The following UMAD1 variants were observed in gnomAD, a reference collection of about 807,000 sequenced individuals.
UMAD1 encodes UBAP1-MVB12-associated (UMA) domain containing 1.
A neutral mutation model predicts 6.1 loss-of-function variants in UMAD1; 8 were observed. That is an observed-to-expected ratio of 1.30 (90% confidence interval 0.76 to 2.35). The LOEUF (loss-of-function observed/expected upper bound fraction) is 2.35, where lower values mean the gene tolerates loss of function less well. Ranked by LOEUF, UMAD1 falls within the 30% of genes most tolerant of loss-of-function variation. The pLI, the probability that UMAD1 is intolerant of heterozygous loss-of-function variation, is 0.00. For synonymous variants in UMAD1, 56 were observed against 31.4 expected (o/e 1.78, Z -2.61); for missense variants, 130 against 78.4 (o/e 1.66, Z -2.49).
chr7:7,643,721 AAAAACAAACAAACG>A lies in UMAD1; in HGVS notation c.-64+2905_-64+2918del, dbSNP rs1359179039. On this transcript the variant is annotated intron_variant, in intron 1 of 3. Transcript: ENST00000682710. Reference sequence around the variant, plus strand: ...AGCGAGACTCCCTCTCAAAAAAAAAAAAAACAAACAAACGAAAAAAAAAGGATCAACGGTTAAAT... The same window carrying A: ...AGCGAGACTCCCTCTCAAAAAAAAAAAAAAAAAAAGGATCAACGGTTAAAT... Among the ~76,000 whole-genome samples the A allele has an allele frequency of 2.5e-3, 14 of 5,550 alleles. 1 individual carries two copies. Among genetic ancestry groups the A allele is most frequent in the South Asian group, 0.012 (2 of 168 alleles). The allele number at this position is 5,550 out of a possible 152,430, so 3.6% of individuals were successfully genotyped here. A position where few individuals can be genotyped will look rare whatever the true frequency, so the allele number is the denominator to read the frequency against.
chr7:7,753,140 A>G (rs1294435655), intron 2 of UMAD1, among the ~76,000 whole-genome samples: 2 of 152,028 alleles, frequency 1.3e-5, no homozygotes, highest in East Asian at 1.9e-4. Context: ...ATTTATTTTA[A>G]TTTTTGTGGT....
intron 2 of UMAD1, among the ~76,000 whole-genome samples, chr7:7,711,045 AAGTT>A (rs1451591200): frequency 2.0e-5 from 3 of 152,164 alleles, no homozygotes; most frequent in Non-Finnish European, 2.9e-5. Flanking sequence ...GATGGGGTGA[AAGTT>A]AGAGGCAAGT....
intron 1 of UMAD1, among the ~76,000 whole-genome samples, chr7:7,662,168 C>G (rs1449747490): frequency 6.6e-6 from 1 of 152,132 alleles, no homozygotes; most frequent in Non-Finnish European, 1.5e-5. Flanking sequence ...CCCCACCAAG[C>G]TCGAGTGTCC....
intron 1 of UMAD1, among the ~76,000 whole-genome samples, chr7:7,660,208 T>A (rs1785439536): frequency 6.6e-6 from 1 of 152,224 alleles, no homozygotes; most frequent in Non-Finnish European, 1.5e-5. Flanking sequence ...GCACATGAGA[T>A]GGGTCTCCTG....
At chr7:7,862,780 TTGTCCATAAAGAAATTGC>T (rs954558920) in intron 3 of UMAD1, among the ~76,000 whole-genome samples, 4 of 152,110 alleles carry the variant, frequency 2.6e-5, no homozygotes, top group African/African-American at 9.7e-5. Context: ...CAGATGACAC[TTGTCCATAAAGAAATTGC>T]TAAACTTGAG....
At chr7:7,646,045 G>T (rs1287827196) in intron 1 of UMAD1, among the ~76,000 whole-genome samples, 1 of 152,164 alleles carries the variant, frequency 6.6e-6, no homozygotes. Context: ...TGGGGTGAGT[G>T]ATTTGGGCCT....
intron 2 of UMAD1, among the ~76,000 whole-genome samples, chr7:7,796,423 G>T (rs916853783): frequency 1.3e-5 from 2 of 151,376 alleles, no homozygotes; most frequent in East Asian, 3.9e-4. Context: ...GGCTAATTTT[G>T]CATTTTTATT....
Position 7,873,699 on chromosome 7 carries a change from T to C in UMAD1, c.157-3582T>C, listed in dbSNP as rs540277723. On this transcript the variant is annotated intron_variant, in intron 3 of 3. Transcript: ENST00000682710. ...TCTTGATGGCCTCTGTTTTAGGTATTGGAGATGCTTTGTGACGAGTTCCTT... is the reference window on the plus strand; with the variant it reads ...TCTTGATGGCCTCTGTTTTAGGTATCGGAGATGCTTTGTGACGAGTTCCTT... Among the ~76,000 whole-genome samples, 14 of 152,340 alleles carry C rather than the reference T, an allele frequency of 9.2e-5. No individual in the cohort carries two copies. The South Asian group carries it at 2.3e-3, about 25-fold the overall frequency.
At chr7:7,704,527 G>A (rs1230340252) in intron 2 of UMAD1, among the ~76,000 whole-genome samples, 1 of 150,590 alleles carries the variant, frequency 6.6e-6, no homozygotes, top group South Asian at 2.1e-4. Context: ...AAGCCGAGGT[G>A]GGCGGATCAC....
intron 2 of UMAD1, among the ~76,000 whole-genome samples, chr7:7,688,179 A>G (rs2115132963): frequency 6.6e-6 from 1 of 152,142 alleles, no homozygotes; most frequent in East Asian, 1.9e-4. Flanking sequence ...CAGATTCTCA[A>G]AGATCTGTAA....
chr7:7,805,863 G>C (rs1026566346), intron 3 of UMAD1, among the ~76,000 whole-genome samples: 1 of 151,696 alleles, frequency 6.6e-6, no homozygotes, highest in Non-Finnish European at 1.5e-5. Flanking sequence ...ACATAACTCT[G>C]TCTTATTTTC....
intron 2 of UMAD1, among the ~76,000 whole-genome samples, chr7:7,717,019 G>A (rs1275575827): frequency 2.6e-5 from 4 of 151,654 alleles, no homozygotes; most frequent in Admixed American, 2.0e-4. Context: ...GCACGAGGGA[G>A]CTTTCCTCTT....
chr7:7,785,434 A>G (rs1439941917), intron 2 of UMAD1, among the ~76,000 whole-genome samples: 1 of 152,048 alleles, frequency 6.6e-6, no homozygotes, highest in Non-Finnish European at 1.5e-5. Context: ...AAGGGATGAA[A>G]AGGGATGAGA....
intron 3 of UMAD1, among the ~76,000 whole-genome samples, chr7:7,816,718 T>G (rs1328357478): frequency 2.6e-5 from 4 of 152,214 alleles, no homozygotes; most frequent in African/African-American, 9.7e-5. Context: ...TCTTTCATTC[T>G]CAACCCAATT....
chr7:7,655,616 C>A (rs1386387671), intron 1 of UMAD1, among the ~76,000 whole-genome samples: 3 of 152,070 alleles, frequency 2.0e-5, no homozygotes, highest in African/African-American at 4.8e-5. Flanking sequence ...CTGAAAGCAT[C>A]TATAAGGTTA....
chr7:7,863,817 T>A (rs1172649918), intron 3 of UMAD1, among the ~76,000 whole-genome samples: 1 of 152,228 alleles, frequency 6.6e-6, no homozygotes, highest in Non-Finnish European at 1.5e-5. Flanking sequence ...TGGGGAAGTT[T>A]AAGGCACCAC....
intron 1 of UMAD1, among the ~76,000 whole-genome samples, chr7:7,653,001 G>T (rs1785258189): frequency 6.6e-6 from 1 of 152,222 alleles, no homozygotes; most frequent in East Asian, 1.9e-4. Flanking sequence ...TTGCTCCCCA[G>T]TGCTCTAGAG....
chr7:7,715,592 T>C (rs1316328119), intron 2 of UMAD1, among the ~76,000 whole-genome samples: 1 of 152,188 alleles, frequency 6.6e-6, no homozygotes, highest in African/African-American at 2.4e-5. Context: ...AAGAGCTCTG[T>C]TTTCATTCAA....
At chr7:7,694,677 A>G (rs993827475) in intron 2 of UMAD1, among the ~76,000 whole-genome samples, 6 of 152,148 alleles carry the variant, frequency 3.9e-5, no homozygotes, top group African/African-American at 1.2e-4. Context: ...ACTTAACATA[A>G]TATCTTTTTT....
Sources: gnomAD v4.1 joint callset for allele counts (sites outside exome capture counted in the v4.1 genomes callset) on GRCh38, gnomAD v4.1.1 for gene constraint, MANE v1.5 for transcripts, NCBI Gene and HGNC (gene_info 2026-07-23, HGNC 2026-07-21) for gene names.